DMD: variants seen among roughly 807,000 people sequenced by gnomAD.
DMD encodes the protein mutant dystrophin.
A neutral mutation model predicts 330.1 loss-of-function variants in DMD; 63 were observed. The observed-to-expected ratio is 0.19, with a 90% CI of 0.16 to 0.24. The LOEUF (loss-of-function observed/expected upper bound fraction) is 0.24. Ranked by LOEUF, DMD falls within the 10% of genes least tolerant of loss-of-function variation. DMD has a pLI of 1.00. For synonymous variants in DMD, 1,223 were observed against 959.8 expected, an observed-to-expected ratio of 1.27 and a Z score of -5.07; for missense variants, 3,344 against 2,684.1, an observed-to-expected ratio of 1.25 and a Z score of -5.43.
intron 7 of DMD, among the ~76,000 whole-genome samples, chrX:32,757,006 C>G (rs1276239210): frequency 9.0e-6 from 1 of 111,487 alleles, no homozygotes; most frequent in African/African-American, 3.3e-5. Flanking sequence ...CCCTACAATT[C>G]AGGGTTTAAC....
intron 43 of DMD, among the ~76,000 whole-genome samples, chrX:32,281,790 C>T (rs1346590695): frequency 9.0e-6 from 1 of 111,381 alleles, no homozygotes; most frequent in Non-Finnish European, 1.9e-5. Context: ...TAATTAAATG[C>T]CCTTATACTT....
intron 1 of DMD, among the ~76,000 whole-genome samples, chrX:33,203,976 T>C (rs986143346): frequency 1.8e-5 from 2 of 111,307 alleles, no homozygotes; most frequent in African/African-American, 6.5e-5. Context: ...CCAATTCCTA[T>C]TGATTCTATC....
At chrX:33,041,206 A>C (rs1267949017) in intron 1 of DMD, among the ~76,000 whole-genome samples, 2 of 113,508 alleles carry the variant, frequency 1.8e-5, no homozygotes, top group African/African-American at 6.4e-5. Flanking sequence ...ACCAATGTTC[A>C]CACCTGAGTA....
intron 30 of DMD, among the ~76,000 whole-genome samples, chrX:32,397,406 G>A (rs1241884123): frequency 4.5e-5 from 5 of 111,739 alleles, no homozygotes; most frequent in Admixed American, 9.5e-5. Context: ...ACTCACATAT[G>A]CTCTATGAGG....
chrX:32,100,553 CCA>C (rs985104773), intron 44 of DMD, among the ~76,000 whole-genome samples: 2 of 110,629 alleles, frequency 1.8e-5, no homozygotes, highest in Admixed American at 1.9e-4. Flanking sequence ...ATAAATAACC[CCA>C]GTTTGTCTTC....
chrX:33,271,775 A>G (rs1300980860), intron 1 of DMD, among the ~76,000 whole-genome samples: 1 of 106,324 alleles, frequency 9.4e-6, no homozygotes, highest in East Asian at 3.0e-4. Flanking sequence ...CAAAAAAAAA[A>G]CCAAAAAAAA....
intron 44 of DMD, among the ~76,000 whole-genome samples, chrX:32,187,981 T>C (rs1228570263): frequency 9.0e-6 from 1 of 111,268 alleles, no homozygotes; most frequent in African/African-American, 3.2e-5. Context: ...ATTATAATAA[T>C]ATACCTTTCT....
chrX:33,043,377 G>A (rs1174534098), intron 1 of DMD, among the ~76,000 whole-genome samples: 1 of 111,515 alleles, frequency 9.0e-6, no homozygotes, highest in Non-Finnish European at 1.9e-5. Flanking sequence ...TAGAGGTTTG[G>A]GCAGTCAAAC....
At chrX:33,319,053 A>G (rs956807204) in intron 1 of DMD, among the ~76,000 whole-genome samples, 1 of 108,972 alleles carries the variant, frequency 9.2e-6, no homozygotes, top group African/African-American at 3.4e-5. Context: ...GAGACCCTAG[A>G]GAGCCAGCTC....
intron 60 of DMD, among the ~76,000 whole-genome samples, chrX:31,354,803 A>G (rs1447025209): frequency 1.8e-5 from 2 of 112,386 alleles, no homozygotes; most frequent in African/African-American, 3.2e-5. Flanking sequence ...TGCCTAGTAC[A>G]TAGAAGATGA....
At chrX:32,625,142 G>A (rs2058263443) in intron 11 of DMD, among the ~76,000 whole-genome samples, 1 of 111,637 alleles carries the variant, frequency 9.0e-6, no homozygotes, top group Non-Finnish European at 1.9e-5. Context: ...TTAGACTCCA[G>A]CCTGAGTGAC....
intron 1 of DMD, among the ~76,000 whole-genome samples, chrX:33,089,601 A>T (rs970114192): frequency 5.4e-5 from 6 of 111,687 alleles, no homozygotes; most frequent in African/African-American, 1.9e-4. Context: ...TTTTTAAAAA[A>T]GTTATGAATT....
intron 1 of DMD, among the ~76,000 whole-genome samples, chrX:33,261,627 AACACACACACACACACACAC>A (rs56984530): frequency 1.1e-5 from 1 of 89,116 alleles, no homozygotes; most frequent in Non-Finnish European, 2.2e-5. Flanking sequence ...ATACGGGAAG[AACACACACACACACACACAC>A]ACACACACAC....
At chrX:31,683,754 GGA>G (rs1278997146) in intron 52 of DMD, among the ~76,000 whole-genome samples, 1 of 111,708 alleles carries the variant, frequency 9.0e-6, no homozygotes, top group Admixed American at 9.5e-5. Context: ...TATAGAACAT[GGA>G]AAAGAAAGAT....
chrX:33,107,949 TA>T (rs1027725494), intron 1 of DMD, among the ~76,000 whole-genome samples: 2 of 111,385 alleles, frequency 1.8e-5, no homozygotes, highest in Non-Finnish European at 1.9e-5. Context: ...TTATGACTTT[TA>T]AAAAATTGGT....
intron 45 of DMD, among the ~76,000 whole-genome samples, chrX:31,962,102 A>G (rs1444880297): frequency 9.0e-6 from 1 of 111,206 alleles, no homozygotes; most frequent in Non-Finnish European, 1.9e-5. Context: ...TCTTGGGCAA[A>G]GAGTTTTATC....
intron 2 of DMD, among the ~76,000 whole-genome samples, chrX:32,942,015 A>G (rs1346072830): frequency 8.9e-6 from 1 of 111,792 alleles, no homozygotes; most frequent in African/African-American, 3.3e-5. Context: ...AAAAACACCC[A>G]AGCAATGTGA....
chrX:32,580,180 G>A (rs2053507507), intron 13 of DMD, among the ~76,000 whole-genome samples: 1 of 110,886 alleles, frequency 9.0e-6, no homozygotes, highest in African/African-American at 3.3e-5. Context: ...GGTAGCTTGA[G>A]GTTTCCTCTT....
rs992332653 is a variant in DMD, at chrX:32,462,359, C to T, written c.3432+1080G>A. Among the ~76,000 whole-genome samples, 6 of 112,118 alleles carry T rather than the reference C, an allele frequency of 5.4e-5. No homozygotes were observed. The East Asian group carries it at 8.4e-4, about 16-fold the overall frequency. ...CCGATTTTAGGATTCCAATTGACCACAAGCATTTGAAACCAGGGAAAGCAA... is the reference window on the plus strand; with the variant it reads ...CCGATTTTAGGATTCCAATTGACCATAAGCATTTGAAACCAGGGAAAGCAA... On this transcript the variant is annotated intron_variant, in intron 25 of 78. Coordinates refer to ENST00000357033, the MANE Select transcript of DMD (RefSeq NM_004006.3).
Sources: allele counts gnomAD v4.1 joint callset (sites outside exome capture counted in the v4.1 genomes callset), GRCh38; gene constraint gnomAD v4.1.1; transcripts MANE v1.5; gene names NCBI Gene and HGNC (gene_info 2026-07-23, HGNC 2026-07-21).